NFATC1: variants seen among roughly 807,000 people sequenced by gnomAD.
NFATC1 encodes nuclear factor of activated T cells 1, also known as nuclear factor of activated T-cells, cytoplasmic 1.
NFATC1 carries 22 observed loss-of-function variants against 76.0 expected under a neutral mutation model. The observed-to-expected ratio is 0.29, with a 90% CI of 0.21 to 0.41. NFATC1 has a LOEUF of 0.41. Among genes scored for constraint, NFATC1 ranks in the 10% least tolerant of loss-of-function variants. NFATC1 has a pLI of 1.00. For synonymous variants in NFATC1, 704 were observed against 613.1 expected, an observed-to-expected ratio of 1.15 and a Z score of -2.19; for missense variants, 1,357 against 1,337.7, an observed-to-expected ratio of 1.01 and a Z score of -0.23.
At chr18:79,422,309 A>AG (rs1239074708) in intron 2 of NFATC1, 1 of 152,264 alleles carries the variant, frequency 6.6e-6, no homozygotes, top group African/African-American at 2.4e-5. Flanking sequence ...GTGCAGTCGG[A>AG]GGCCCCCCAC....
At chr18:79,428,308 C>G (rs1019470406) in intron 2 of NFATC1, among the ~76,000 whole-genome samples, 4 of 152,206 alleles carry the variant, frequency 2.6e-5, no homozygotes, top group Non-Finnish European at 5.9e-5. Context: ...TGTTTTCAGT[C>G]TTGCACTGGT....
chr18:79,431,645 C>A (rs2086592257), intron 2 of NFATC1, among the ~76,000 whole-genome samples: 1 of 152,154 alleles, frequency 6.6e-6, no homozygotes, highest in African/African-American at 2.4e-5. Context: ...TTCCCCTTGG[C>A]CTCCCAAAGT....
At position 79,520,586 on chromosome 18, in the gene NFATC1, C is replaced by T. The variant is rs537206554; in HGVS notation, c.2783-6942C>T. ...GTGTGTCCGTGTGTGTGGGGGCATC[C>T]GCTGATGTGTGTGTCTGTGTGTGTG... On this transcript the variant is annotated intron_variant, in intron 9 of 9. Coordinates refer to ENST00000427363, the MANE Select transcript of NFATC1 (RefSeq NM_001278669.2). Among the ~76,000 whole-genome samples, 210 of 125,946 alleles carry T rather than the reference C, an allele frequency of 1.7e-3. 2 individuals are homozygous for T. The highest frequency in any genetic ancestry group is 9.9e-3 in the Middle Eastern group (2 of 202). 82.6% of individuals were successfully genotyped at this position (125,946 alleles called of 152,430 possible).
At chr18:79,408,728 T>TC (rs1215337046) in intron 1 of NFATC1, among the ~76,000 whole-genome samples, 1 of 152,168 alleles carries the variant, frequency 6.6e-6, no homozygotes, top group Non-Finnish European at 1.5e-5. Flanking sequence ...CCATCCATCA[T>TC]CATCCATCCA....
chr18:79,429,387 AGTT>A (rs1012026087), intron 2 of NFATC1, among the ~76,000 whole-genome samples: 205 of 151,300 alleles, frequency 1.4e-3, no homozygotes, highest in African/African-American at 4.7e-3. Flanking sequence ...TTATTTTTTC[AGTT>A]GTGTTGAGTG....
In NFATC1 at chr18:79,396,073, G is replaced by C. The variant is rs1347487563; in HGVS notation, c.-152G>C. 4 of 966,298 alleles carry C rather than the reference G, an allele frequency of 4.1e-6. No individual in the cohort carries two copies. In the African/African-American group the frequency reaches 7.0e-5, roughly 17 times the overall value. 59.9% of individuals were successfully genotyped at this position (966,298 alleles called of 1,614,324 possible). On this transcript the variant is annotated 5_prime_UTR_variant, in exon 1 of 10. Transcript: ENST00000427363. ...GGGCCGCGGCCGGGCCCCGCCACGC[G>C]CGCACACGCCCCTCGATGACTTTCC...
chr18:79,497,403 G>A (rs409329), intron 9 of NFATC1: 111,488 of 152,096 alleles, frequency 0.73, 41,412 homozygotes, highest in Non-Finnish European at 0.79. Flanking sequence ...GTGGAAAGCC[G>A]GTGACAGCAC....
rs1486655727 is a variant in NFATC1, at chr18:79,452,959, T to TAC, written c.1903+1144_1903+1145insCA. On this transcript the variant is annotated intron_variant, in intron 6 of 9. Coordinates refer to ENST00000427363, the MANE Select transcript of NFATC1 (RefSeq NM_001278669.2). ...TGATTTGTACAGTTTGCCGGAAACT[T>TAC]AAGTGCTTCAATCAAAATCGGCTTT... is the stretch of plus-strand genomic sequence containing the variant. Among the ~76,000 whole-genome samples the TAC allele has an allele frequency of 2.0e-5, 3 of 152,328 alleles. No homozygotes were observed. In the East Asian group the frequency reaches 5.8e-4, roughly 29 times the overall value.
At chr18:79,469,283 T>C (rs183332757) in intron 8 of NFATC1, 2 of 978,452 alleles carry the variant, frequency 2.0e-6, no homozygotes, top group Admixed American at 6.1e-5. Context: ...GAAGGATTGC[T>C]TTCCAGAGCA....
At chr18:79,416,750 C>A (rs1169171276) in intron 2 of NFATC1, among the ~76,000 whole-genome samples, 2 of 152,202 alleles carry the variant, frequency 1.3e-5, no homozygotes, top group African/African-American at 2.4e-5. Flanking sequence ...GAGGGAAGCC[C>A]CCCAACAACC....
At chr18:79,405,105 C>A (rs529617737) in intron 1 of NFATC1, among the ~76,000 whole-genome samples, 31 of 152,300 alleles carry the variant, frequency 2.0e-4, no homozygotes, top group African/African-American at 6.0e-4. Context: ...TCCTAGCACC[C>A]CCAAACCACC....
intron 6 of NFATC1, 83 bp downstream of exon 6, chr18:79,451,899 C>A: frequency 6.7e-7 from 1 of 1,502,198 alleles, no homozygotes; most frequent in Non-Finnish European, 9.0e-7. Flanking sequence ...GCAGGACCCA[C>A]CTGTGCACGG....
intron 3 of NFATC1, among the ~76,000 whole-genome samples, chr18:79,441,995 C>T (rs575851303): frequency 1.8e-4 from 27 of 152,304 alleles, no homozygotes; most frequent in African/African-American, 6.0e-4. Context: ...GCACCCTCCA[C>T]GTCAGTGCCC....
intron 1 of NFATC1, chr18:79,402,295 C>T (rs2085294114): frequency 9.2e-6 from 9 of 982,214 alleles, no homozygotes; most frequent in Non-Finnish European, 9.7e-6. Flanking sequence ...TTGAGGTGGG[C>T]GGGCTTCCTG....
intron 9 of NFATC1, among the ~76,000 whole-genome samples, chr18:79,522,375 T>TGG (rs1228981224): frequency 3.6e-5 from 1 of 27,492 alleles, no homozygotes; most frequent in South Asian, 1.3e-3. Context: ...TCTCTGTGTG[T>TGG]GTGGGGGGGG....
At chr18:79,425,599 G>T (rs2086300063) in intron 2 of NFATC1, among the ~76,000 whole-genome samples, 1 of 152,242 alleles carries the variant, frequency 6.6e-6, no homozygotes, top group African/African-American at 2.4e-5. Context: ...TTAAACAAAG[G>T]AACTGCCTCT....
chr18:79,499,132 T>C (rs1350052861), intron 9 of NFATC1, among the ~76,000 whole-genome samples: 1 of 152,208 alleles, frequency 6.6e-6, no homozygotes, highest in Non-Finnish European at 1.5e-5. Context: ...AAAAGGAAAC[T>C]GCATAAGACA....
chr18:79,496,018 G>C (rs143842209), intron 9 of NFATC1: 1 of 152,376 alleles, frequency 6.6e-6, no homozygotes. Context: ...AGGCGTCCGC[G>C]GGTGTGTCGC....
At chr18:79,446,803 G>A (rs2087224496) in intron 3 of NFATC1, among the ~76,000 whole-genome samples, 1 of 152,246 alleles carries the variant, frequency 6.6e-6, no homozygotes, top group South Asian at 2.1e-4. Flanking sequence ...TGGGTGCAGA[G>A]ACTCCTGTGG....
Sources: gnomAD v4.1 joint callset for allele counts (sites outside exome capture counted in the v4.1 genomes callset) on GRCh38, gnomAD v4.1.1 for gene constraint, MANE v1.5 for transcripts, NCBI Gene and HGNC (gene_info 2026-07-23, HGNC 2026-07-21) for gene names.